The following CAST variants were observed in gnomAD, a reference collection of about 807,000 sequenced individuals.
The protein encoded by CAST is calpastatin, also known as MIR583 host.
A neutral mutation model predicts 119.6 loss-of-function variants in CAST; 76 were observed. That is an observed-to-expected ratio of 0.64 (90% CI 0.53 to 0.77). The LOEUF is 0.77. Ranked by LOEUF, CAST falls within the 30% of genes least tolerant of loss-of-function variation. CAST has a pLI of 0.00. For synonymous variants in CAST, 319 were observed against 331.6 expected (o/e 0.96, Z 0.41); for missense variants, 953 against 946.5 (o/e 1.01, Z -0.09).
the CAST span, among the ~76,000 whole-genome samples, chr5:96,142,083 T>C: frequency 1.3e-3 from 191 of 152,332 alleles, 3 homozygotes; most frequent in Admixed American, 1.2e-3. Flanking sequence ...ATTTGGTCAA[T>C]GTAGACATTC....
upstream of CAST, chr5:96,662,329 C>A: frequency 8.8e-6 from 8 of 906,722 alleles, no homozygotes; most frequent in East Asian, 4.4e-5. Context: ...CGCTCCCTCC[C>A]TCCCTCCCTC....
chr5:96,492,480 C>A, the CAST span, among the ~76,000 whole-genome samples: 1 of 152,132 alleles, frequency 6.6e-6, no homozygotes, highest in Non-Finnish European at 1.5e-5. Flanking sequence ...GGGTCTATTT[C>A]TATTCTATTT....
At chr5:96,724,182 A>T (rs1379021854) in intron 4 of CAST, among the ~76,000 whole-genome samples, 1 of 144,702 alleles carries the variant, frequency 6.9e-6, no homozygotes, top group African/African-American at 2.5e-5. Flanking sequence ...AAAAAATTAA[A>T]AATCTTTTTT....
At chr5:96,746,793 G>A (rs1446537064) in intron 17 of CAST, among the ~76,000 whole-genome samples, 1 of 152,214 alleles carries the variant, frequency 6.6e-6, no homozygotes, top group Non-Finnish European at 1.5e-5. Context: ...ATGAATGCAC[G>A]AGGGTTTACC....
Position 96,542,265 on chromosome 5 carries a change from C to A in CAST, c.60+12385C>A, listed in dbSNP as rs149096024. Among the ~76,000 whole-genome samples the A allele has an allele frequency of 4.6e-3, 688 of 149,080 alleles. 6 individuals are homozygous for A. Among genetic ancestry groups the A allele is most frequent in the African/African-American group, 0.016 (650 of 40,370 alleles). Reference sequence around the variant, plus strand: ...GGCGGAGCCTGCAGTGAGCCGAGATCGCGCCACTGCACTCCAGCCTGGGCG... The same window carrying A: ...GGCGGAGCCTGCAGTGAGCCGAGATAGCGCCACTGCACTCCAGCCTGGGCG... On this transcript the variant is annotated intron_variant, in intron 1 of 11. Coordinates refer to the CAST transcript ENST00000505143.
upstream of CAST, among the ~76,000 whole-genome samples, chr5:96,525,901 A>G (rs551559014): frequency 3.3e-5 from 5 of 152,296 alleles, no homozygotes; most frequent in African/African-American, 1.2e-4. Flanking sequence ...TGCTGTTTTT[A>G]TTGTCTAGTG....
chr5:96,663,334 G>A (rs980676304), intron 1 of CAST, among the ~76,000 whole-genome samples: 6 of 152,236 alleles, frequency 3.9e-5, no homozygotes, highest in Admixed American at 3.9e-4. Context: ...TTAGGCTCGG[G>A]GAGAGGCAGG....
chr5:96,257,567 T>G, the CAST span, among the ~76,000 whole-genome samples: 1 of 152,182 alleles, frequency 6.6e-6, no homozygotes, highest in African/African-American at 2.4e-5. Context: ...GGTATTGCAC[T>G]CCATTCAAAG....
chr5:96,138,171 C>T, the CAST span, among the ~76,000 whole-genome samples: 4 of 151,948 alleles, frequency 2.6e-5, no homozygotes, highest in South Asian at 2.1e-4. Flanking sequence ...AAAGGTATGA[C>T]GTATGAATTT....
At chr5:96,217,348 A>T in the CAST span, among the ~76,000 whole-genome samples, 4 of 144,378 alleles carry the variant, frequency 2.8e-5, no homozygotes, top group African/African-American at 1.0e-4. Context: ...GCCAAATTAA[A>T]TTTTTTTTTT....
At chr5:96,414,061 C>T in the CAST span, among the ~76,000 whole-genome samples, 5 of 148,784 alleles carry the variant, frequency 3.4e-5, no homozygotes, top group African/African-American at 1.0e-4. Flanking sequence ...ATGGCATGAA[C>T]CCGGGAGGCG....
chr5:96,291,375 C>T, the CAST span, among the ~76,000 whole-genome samples: 1 of 152,220 alleles, frequency 6.6e-6, no homozygotes, highest in South Asian at 2.1e-4. Flanking sequence ...CTTTTTACTT[C>T]CCCTTGTAAT....
At chr5:96,584,437 A>C (rs1746820674) in intron 1 of CAST, 1 of 152,228 alleles carries the variant, frequency 6.6e-6, no homozygotes, top group African/African-American at 2.4e-5. Context: ...CACTCCTCTG[A>C]TATTTGTTTT....
At chr5:96,421,993 TAAAAAA>T in the CAST span, 1,584 of 356,790 alleles carry the variant, frequency 4.4e-3, no homozygotes, top group East Asian at 7.8e-3. Context: ...GTGGCAGCAT[TAAAAAA>T]AAAAAAAAAA....
chr5:96,187,389 C>T, the CAST span, among the ~76,000 whole-genome samples: 1 of 151,948 alleles, frequency 6.6e-6, no homozygotes, highest in Non-Finnish European at 1.5e-5. Context: ...TCTATAGCTT[C>T]AGGGTTTGTT....
At chr5:96,261,376 C>A in the CAST span, among the ~76,000 whole-genome samples, 1 of 152,186 alleles carries the variant, frequency 6.6e-6, no homozygotes, top group African/African-American at 2.4e-5. Flanking sequence ...GAAGCCATGT[C>A]TGTGTCTTGG....
At chr5:96,702,755 CG>C in intron 3 of CAST, 2 of 984,832 alleles carry the variant, frequency 2.0e-6, no homozygotes, top group East Asian at 1.1e-4. Flanking sequence ...GGCAGGGGGG[CG>C]GGGAGCATCC....
the CAST span, among the ~76,000 whole-genome samples, chr5:96,292,757 A>G: frequency 6.6e-6 from 1 of 152,250 alleles, no homozygotes; most frequent in Non-Finnish European, 1.5e-5. Context: ...CCACTGCGTC[A>G]CAAGGATGAC....
chr5:96,706,658 T>C (rs549689858), intron 3 of CAST, among the ~76,000 whole-genome samples: 73 of 152,314 alleles, frequency 4.8e-4, no homozygotes, highest in African/African-American at 1.7e-3. Flanking sequence ...AAGTGTGAAA[T>C]ACATCCAGCC....
Sources: allele counts gnomAD v4.1 joint callset (sites outside exome capture counted in the v4.1 genomes callset), GRCh38; gene constraint gnomAD v4.1.1; transcripts MANE v1.5; gene names NCBI Gene and HGNC (gene_info 2026-07-23, HGNC 2026-07-21).